The following HSPG2 variants were observed in gnomAD, a reference collection of about 807,000 sequenced individuals.
HSPG2 encodes basement membrane-specific heparan sulfate proteoglycan core protein.
Under a neutral mutation model 526.6 loss-of-function variants are expected in HSPG2, and 278 were observed. The observed-to-expected ratio is 0.53, with a 90% CI of 0.48 to 0.58. The LOEUF (loss-of-function observed/expected upper bound fraction) is 0.58. HSPG2 is among the 20% of genes least tolerant of loss of function. HSPG2 has a pLI of 0.00. For missense variants in HSPG2, 5,354 were observed against 6,099.5 expected, an observed-to-expected ratio of 0.88 and a Z score of 4.07; for synonymous variants, 2,465 against 2,555.4, an observed-to-expected ratio of 0.96 and a Z score of 1.07.
In HSPG2 at chr1:21,872,715, A is replaced by G. The variant is rs1640748159; in HGVS notation, c.3934T>C (p.Phe1312Leu). ...LTCSHCRPHHFHLSASNPDGC... is the reference protein window; with the variant it reads ...LTCSHCRPHHLHLSASNPDGC... ...TCTGGGTTGCTGGCACTCAGGTGGAAGTGGTGGGGCCGGCAGTGGCTGCAA... is the reference window on the plus strand; with the variant it reads ...TCTGGGTTGCTGGCACTCAGGTGGAGGTGGTGGGGCCGGCAGTGGCTGCAA... Residue 1312 changes from phenylalanine to leucine, a missense_variant, in exon 32 of 97, where the codon TTC (phenylalanine) becomes CTC (leucine). Coordinates refer to ENST00000374695, the MANE Select transcript of HSPG2 (RefSeq NM_005529.7). The surrounding 1 kb of genome is among the most constrained non-coding windows in gnomAD (Gnocchi z 5.5). The G allele has an allele frequency of 6.2e-7, 1 of 1,609,638 alleles. No homozygotes were observed. Among genetic ancestry groups the G allele is most frequent in the African/African-American group, 1.3e-5 (1 of 74,878 alleles).
chr1:21,933,888 G>C lies in HSPG2; in HGVS notation c.63+3267C>G, dbSNP rs538159168. 6.6e-5 allele frequency among the ~76,000 whole-genome samples: 10 copies of C among 152,348 alleles called. No homozygotes were observed. The East Asian group carries it at 1.7e-3, about 26-fold the overall frequency. Reference sequence around the variant, plus strand: ...GGAGGGCTGAGGGACCGCCAGGAAGGGGAGGCTCCTGCAGTTCAGCTGGCA... The same window carrying C: ...GGAGGGCTGAGGGACCGCCAGGAAGCGGAGGCTCCTGCAGTTCAGCTGGCA... On this transcript the variant is annotated intron_variant, in intron 1 of 96. Transcript: ENST00000374695.
Position 21,851,873 on chromosome 1 carries a change from C to T in HSPG2, c.6924G>A (p.Gln2308=). Residue 2308 remains glutamine, a synonymous_variant, in exon 54 of 97, where the codon CAG becomes CAA. Transcript: ENST00000374695. ...IFQASPADAG[Q]YVCRASNGME... ...TGCCGTTGCTGGCCCGGCAGACGTA[C>T]TGTCCCGCATCGGCAGGTGAGGCCT... 1 of 1,612,966 alleles carries T rather than the reference C, an allele frequency of 6.2e-7. No individual in the cohort carries two copies. The highest frequency in any genetic ancestry group is 8.5e-7 in the Non-Finnish European group (1 of 1,179,754).
At chr1:21,863,772 C>T (rs1024229079) in intron 37 of HSPG2, among the ~76,000 whole-genome samples, 19 of 151,626 alleles carry the variant, frequency 1.3e-4, no homozygotes, top group African/African-American at 4.6e-4. Context: ...TCTGGGAGGC[C>T]GAGGCGGGTG....
At chr1:21,934,211 T>C (rs1306809793) in intron 1 of HSPG2, among the ~76,000 whole-genome samples, 6 of 152,220 alleles carry the variant, frequency 3.9e-5, no homozygotes, top group Non-Finnish European at 5.9e-5. Flanking sequence ...CTAAGGCCCA[T>C]CTCACCCTGC....
chr1:21,908,617 T>A, intron 1 of HSPG2: 1 of 508,434 alleles, frequency 2.0e-6, no homozygotes, highest in Non-Finnish European at 3.5e-6. Flanking sequence ...TCTGGGCTGT[T>A]AAAAAAAAAA....
Position 21,904,802 on chromosome 1 carries a change from C to T in HSPG2, c.64-8492G>A, listed in dbSNP as rs1643282823. ...CGGCAACACCTGCAGCGTTCACGTG[C>T]CAGCCTCCTGCATGCAGCCTGGCTT... On this transcript the variant is annotated intron_variant, in intron 1 of 96. Transcript: ENST00000374695. This position sits in a 1 kb window ranked among gnomAD's most constrained non-coding sequence, Gnocchi z 4.4. Among the ~76,000 whole-genome samples, 1 of 152,154 alleles carries T rather than the reference C, an allele frequency of 6.6e-6. No individual in the cohort carries two copies. Among genetic ancestry groups the T allele is most frequent in the African/African-American group, 2.4e-5 (1 of 41,444 alleles).
intron 33 of HSPG2, chr1:21,870,965 C>G: frequency 6.5e-6 from 5 of 768,052 alleles, no homozygotes; most frequent in Non-Finnish European, 7.9e-6. Context: ...ATAGCGAACC[C>G]CAGAAGGGAG....
chr1:21,848,928 A>G lies in HSPG2; in HGVS notation c.7550T>C (p.Leu2517Pro). The G allele has an allele frequency of 6.2e-7, 1 of 1,613,686 alleles. No individual in the cohort carries two copies. The highest frequency in any genetic ancestry group is 8.5e-7 in the Non-Finnish European group (1 of 1,179,988). ...GSSGTQEASV[L>P]VTIQQRLSGS... The stretch of plus-strand genomic sequence containing the variant: ...ACTAAGGCGCTGCTGGATGGTGACA[A>G]GGACTGAGGCTTCCTGGGTACCTGA... Residue 2517 changes from leucine to proline, a missense_variant, in exon 58 of 97, where the codon CTT becomes CCT. Leu to Pro is a moderately conservative substitution (Grantham distance 98). Transcript: ENST00000374695. The surrounding 1 kb of genome is among the most constrained non-coding windows in gnomAD (Gnocchi z 4.9).
intron 6 of HSPG2, chr1:21,888,526 G>C (rs186549510): frequency 1.3e-5 from 6 of 449,380 alleles, no homozygotes; most frequent in Non-Finnish European, 2.2e-5. Flanking sequence ...AGCTGGTCTC[G>C]AACTCTTTGC....
rs1313022067 is a variant in HSPG2 at position 21,885,387 on chromosome 1, G to A, written c.1143C>T (p.Cys381=). The change falls in exon 10 of 97, where the codon TGC becomes TGT. Residue 381 remains cysteine (C), a synonymous_variant. Coordinates refer to ENST00000374695, the MANE Select transcript of HSPG2 (RefSeq NM_005529.7). ...CGTCACAGTGGAAGCTGGCTGGGAT[G>A]CACATGTTGGTAGAGACGCATCGGA... ...TQFRCVSTNM[C]IPASFHCDEE... The A allele has an allele frequency of 6.2e-7, 1 of 1,614,110 alleles. No homozygotes were observed. The highest frequency in any genetic ancestry group is 1.7e-5 in the Admixed American group (1 of 60,012).
rs2290498 is a variant in HSPG2, at chr1:21,855,680, C to T, written c.5702-5G>A. 0.01 allele frequency: 16,518 copies of T among 1,578,894 alleles called. 847 individuals are homozygous for T. In the East Asian group the frequency reaches 0.17, roughly 16 times the overall value. ...GGAGCTGGCCGCCGGGGCCCCCTGA[C>T]GAGTAGACGTGGGGTCAGCACCCAC... On this transcript the variant is annotated splice_polypyrimidine_tract_variant and splice_region_variant and intron_variant, in intron 45 of 96. Transcript: ENST00000374695.
intron 91 of HSPG2, among the ~76,000 whole-genome samples, chr1:21,827,202 C>T (rs2097980048): frequency 6.6e-6 from 1 of 151,840 alleles, no homozygotes; most frequent in Non-Finnish European, 1.5e-5. Flanking sequence ...AGCAAGACTC[C>T]ACCTTAAAAA....
intron 83 of HSPG2, 45 bp from the exon 84 acceptor site, chr1:21,831,369 G>A: frequency 6.2e-7 from 1 of 1,602,768 alleles, no homozygotes; most frequent in Non-Finnish European, 8.5e-7. Flanking sequence ...GGGTGTCCCA[G>A]CCCATACCCT....
At position 21,847,441 on chromosome 1, in the gene HSPG2, C is replaced by T. The variant is rs772362636; in HGVS notation, c.8077G>A (p.Glu2693Lys). 32 of 1,613,924 alleles carry T rather than the reference C, an allele frequency of 2.0e-5. No individual in the cohort carries two copies. Among genetic ancestry groups the T allele is most frequent in the South Asian group, 3.3e-5 (3 of 91,086 alleles). The change falls in exon 62 of 97, where the codon GAG (glutamate) becomes AAG (lysine). Residue 2693 changes from glutamate to lysine, a missense_variant. By Grantham distance (56) the Glu-to-Lys change is moderately conservative (BLOSUM62 1). Coordinates refer to ENST00000374695, the MANE Select transcript of HSPG2 (RefSeq NM_005529.7). The surrounding 1 kb of genome is among the most constrained non-coding windows in gnomAD (Gnocchi z 4.1). ...LHQMSVADSG[E>K]YVCRANNNID... ...TTGTTGTTGGCCCGGCACACATACT[C>T]GCCCGAGTCAGCCACAGACATTTGG...
At chr1:21,846,002 G>T in intron 64 of HSPG2, 106 bp downstream of exon 64, 1 of 1,367,070 alleles carries the variant, frequency 7.3e-7, no homozygotes, top group Non-Finnish European at 1.0e-6. Flanking sequence ...CAGAGCGGCA[G>T]TTCTCGCCGA....
chr1:21,899,583 C>CAGA (rs777448236), intron 1 of HSPG2, among the ~76,000 whole-genome samples: 5 of 152,164 alleles, frequency 3.3e-5, no homozygotes, highest in Non-Finnish European at 7.3e-5. Flanking sequence ...GCAGCTACCA[C>CAGA]TGTGCTATAT....
Position 21,872,151 on chromosome 1 carries a change from G to A in HSPG2, c.4221+35C>T, listed in dbSNP as rs1184148837. 6.5e-7 allele frequency: 1 copy of A among 1,549,738 alleles called. No homozygotes were observed. The highest frequency in any genetic ancestry group is 8.7e-7 in the Non-Finnish European group (1 of 1,145,398). On this transcript the variant is annotated intron_variant, in intron 33 of 96. Transcript: ENST00000374695. The surrounding 1 kb of genome is among the most constrained non-coding windows in gnomAD (Gnocchi z 5.5). ...GGCGCAGAGGTGAACTCATGTCTGA[G>A]TCACGGCTGACCCTGGTGCTTGGCT... is the stretch of plus-strand genomic sequence containing the variant.
At chr1:21,886,436 A>T (rs554539459) in intron 9 of HSPG2, among the ~76,000 whole-genome samples, 15 of 152,294 alleles carry the variant, frequency 9.8e-5, no homozygotes, top group Middle Eastern at 3.4e-3. Flanking sequence ...GGACAAGCTC[A>T]CAGCAGGAAC....
chr1:21,872,865 G>C lies in HSPG2; in HGVS notation c.3889-105C>G, dbSNP rs1435298462. The C allele has an allele frequency of 6.5e-7, 1 of 1,547,882 alleles. No homozygotes were observed. The highest frequency in any genetic ancestry group is 1.1e-5 in the South Asian group (1 of 88,236). Reference sequence around the variant, plus strand: ...TGGCCACTTCCAGCAGCCCCGGGCAGCCCCTGCCCTGTCCCCCATGCCCTG... The same window carrying C: ...TGGCCACTTCCAGCAGCCCCGGGCACCCCCTGCCCTGTCCCCCATGCCCTG... On this transcript the variant is annotated intron_variant, in intron 31 of 96. Coordinates refer to ENST00000374695, the MANE Select transcript of HSPG2 (RefSeq NM_005529.7). The surrounding 1 kb of genome is among the most constrained non-coding windows in gnomAD (Gnocchi z 5.5).
Sources: allele counts gnomAD v4.1 joint callset (sites outside exome capture counted in the v4.1 genomes callset), GRCh38; gene constraint gnomAD v4.1.1; non-coding constraint Gnocchi (gnomAD v3.1); transcripts MANE v1.5; gene names NCBI Gene and HGNC (gene_info 2026-07-23, HGNC 2026-07-21).